DPP10: variants seen among roughly 807,000 people sequenced by gnomAD.
DPP10 encodes dipeptidyl peptidase like 10.
DPP10 carries 33 observed loss-of-function variants against 120.9 expected under a neutral mutation model. The ratio of observed to expected loss-of-function variants is 0.27; its 90% CI spans 0.21 to 0.37. DPP10 has a LOEUF of 0.37. DPP10 is among the 10% of genes least tolerant of loss of function. The pLI, the probability that DPP10 is intolerant of heterozygous loss-of-function variation, is 1.00. For missense variants in DPP10, 816 were observed against 942.8 expected (o/e 0.87, Z 1.76); for synonymous variants, 337 against 326.1 (o/e 1.03, Z -0.36).
intron 3 of DPP10, among the ~76,000 whole-genome samples, chr2:115,380,119 G>C (rs996964676): frequency 1.3e-5 from 2 of 152,132 alleles, no homozygotes; most frequent in African/African-American, 4.8e-5. Context: ...TTGACTTTCT[G>C]TCTCGTTGAT....
intron 1 of DPP10, among the ~76,000 whole-genome samples, chr2:115,222,885 T>G (rs1418095920): frequency 6.6e-6 from 1 of 152,114 alleles, no homozygotes; most frequent in Admixed American, 6.6e-5. Flanking sequence ...CTAAAGAGCA[T>G]TATTAAAAAA....
chr2:115,137,477 G>A (rs900859243), intron 1 of DPP10, among the ~76,000 whole-genome samples: 8 of 152,190 alleles, frequency 5.3e-5, no homozygotes, highest in African/African-American at 9.7e-5. Flanking sequence ...AGAGGATAGC[G>A]ACATAGGGAG....
intron 21 of DPP10, among the ~76,000 whole-genome samples, chr2:115,823,424 T>A (rs1428548962): frequency 6.6e-6 from 1 of 152,174 alleles, no homozygotes; most frequent in African/African-American, 2.4e-5. Flanking sequence ...TTTGTCACAT[T>A]TAGACAATGC....
At chr2:114,786,630 G>GA (rs985773927) in intron 1 of DPP10, among the ~76,000 whole-genome samples, 1 of 152,190 alleles carries the variant, frequency 6.6e-6, no homozygotes, top group Non-Finnish European at 1.5e-5. Context: ...TTATCAGGTA[G>GA]AAAAATGTCT....
In DPP10 at chr2:115,555,606, C is replaced by T. The variant is rs535204276; in HGVS notation, c.441+29634C>T. Among the ~76,000 whole-genome samples the T allele has an allele frequency of 3.9e-5, 6 of 152,156 alleles. No individual in the cohort carries two copies. In the South Asian group the frequency reaches 1.2e-3, roughly 32 times the overall value. On this transcript the variant is annotated intron_variant, in intron 5 of 25. Coordinates refer to ENST00000410059, the MANE Select transcript of DPP10 (RefSeq NM_020868.6). ...GGAAAACTAATGTGATACTTGTAGT[C>T]AGAAAGTGGGAGGGCAGAGAGCTCT...
chr2:115,310,453 T>G (rs79818240), intron 2 of DPP10, among the ~76,000 whole-genome samples: 3,929 of 152,224 alleles, frequency 0.026, 168 homozygotes, highest in African/African-American at 0.09. Context: ...TGAAAAATAC[T>G]GACATTGAAA....
intron 1 of DPP10, among the ~76,000 whole-genome samples, chr2:114,510,488 C>T (rs551047693): frequency 1.3e-5 from 2 of 152,240 alleles, no homozygotes; most frequent in African/African-American, 4.8e-5. Context: ...CCAGTAATCC[C>T]AGCTACTCAG....
chr2:115,162,432 C>T (rs1461070230), intron 1 of DPP10, among the ~76,000 whole-genome samples: 1 of 152,188 alleles, frequency 6.6e-6, no homozygotes, highest in Non-Finnish European at 1.5e-5. Flanking sequence ...GAGCCCCGTC[C>T]TCCTATAGCC....
intron 1 of DPP10, among the ~76,000 whole-genome samples, chr2:114,907,097 C>T (rs1019233918): frequency 6.6e-6 from 1 of 151,416 alleles, no homozygotes; most frequent in African/African-American, 2.4e-5. Flanking sequence ...ATAAGTTATC[C>T]TAATTTTGAC....
At chr2:114,615,092 G>A (rs1206289965) in intron 1 of DPP10, among the ~76,000 whole-genome samples, 22 of 152,136 alleles carry the variant, frequency 1.4e-4, no homozygotes, top group Admixed American at 1.4e-3. Flanking sequence ...TCTATCAGGG[G>A]ATGGTTAAGA....
At chr2:115,750,279 A>T in intron 10 of DPP10, 2 of 855,792 alleles carry the variant, frequency 2.3e-6, no homozygotes, top group Non-Finnish European at 2.8e-6. Flanking sequence ...TCACAGGGAG[A>T]TGTACACCTA....
chr2:115,483,507 CTG>C (rs1451022727), intron 3 of DPP10, among the ~76,000 whole-genome samples: 2 of 139,574 alleles, frequency 1.4e-5, no homozygotes, highest in Non-Finnish European at 3.2e-5. Flanking sequence ...GCATTTGTGT[CTG>C]TGTGTGTAAA....
chr2:115,598,991 C>CT (rs2083158065), intron 5 of DPP10, among the ~76,000 whole-genome samples: 1 of 151,688 alleles, frequency 6.6e-6, no homozygotes, highest in African/African-American at 2.4e-5. Flanking sequence ...GTAAAGGTTT[C>CT]TTTTTCTTCC....
In DPP10 at chr2:114,568,234, T is replaced by C. The variant is rs144781812; in HGVS notation, c.60+125396T>C. Among the ~76,000 whole-genome samples, 982 of 152,232 alleles carry C rather than the reference T, an allele frequency of 6.5e-3. 9 individuals carry two copies. The highest frequency in any genetic ancestry group is 0.023 in the African/African-American group (953 of 41,540). On this transcript the variant is annotated intron_variant, in intron 1 of 25. Transcript: ENST00000410059. ...ACATGTGAGTGTTGCATGCATAGAA[T>C]GTATGATGATCAAGTCAGGGTATTT...
At chr2:114,816,549 C>T (rs1051116668) in intron 1 of DPP10, among the ~76,000 whole-genome samples, 2 of 152,122 alleles carry the variant, frequency 1.3e-5, no homozygotes, top group African/African-American at 4.8e-5. Flanking sequence ...TGAACATCTC[C>T]CCACCCCATC....
At position 114,497,288 on chromosome 2, in the gene DPP10, CAT is replaced by C. The variant is rs1682686741; in HGVS notation, c.60+54451_60+54452del. Among the ~76,000 whole-genome samples, 2 of 53,056 alleles carry C rather than the reference CAT, an allele frequency of 3.8e-5. 1 individual carries two copies. Among genetic ancestry groups the C allele is most frequent in the Non-Finnish European group, 1.1e-4 (2 of 17,892 alleles). 34.8% of individuals were successfully genotyped at this position (53,056 alleles called of 152,430 possible). A position where few individuals can be genotyped will look rare whatever the true frequency, so the allele number is the denominator to read the frequency against. On this transcript the variant is annotated intron_variant, in intron 1 of 25. Transcript: ENST00000410059. ...ATACATGTACATGTATACGTGTATACATGTACATGTATACGTGTATACATGTA... is the reference window on the plus strand; with the variant it reads ...ATACATGTACATGTATACGTGTATACGTACATGTATACGTGTATACATGTA...
chr2:115,236,261 C>T (rs1331754423), intron 1 of DPP10, among the ~76,000 whole-genome samples: 5 of 152,124 alleles, frequency 3.3e-5, no homozygotes, highest in Admixed American at 2.0e-4. Context: ...TCTAACGTCA[C>T]GTTGGTGAAG....
At chr2:115,801,420 C>T (rs1019015630) in intron 19 of DPP10, among the ~76,000 whole-genome samples, 8 of 152,188 alleles carry the variant, frequency 5.3e-5, no homozygotes, top group African/African-American at 1.9e-4. Flanking sequence ...AATTGAATAC[C>T]CTTTATTCCT....
At chr2:115,282,587 A>G (rs2060204322) in intron 1 of DPP10, among the ~76,000 whole-genome samples, 1 of 152,088 alleles carries the variant, frequency 6.6e-6, no homozygotes, top group Non-Finnish European at 1.5e-5. Flanking sequence ...TTTGGTGTTT[A>G]CAGCCAAGCA....
Sources: gnomAD v4.1 joint callset for allele counts (sites outside exome capture counted in the v4.1 genomes callset) on GRCh38, gnomAD v4.1.1 for gene constraint, MANE v1.5 for transcripts, NCBI Gene and HGNC (gene_info 2026-07-23, HGNC 2026-07-21) for gene names.